Variants in GET1 observed in about 807,000 individuals in gnomAD.
GET1 encodes guided entry of tail-anchored proteins factor 1.
In GET1, 20 loss-of-function variants were observed where a neutral mutation model predicts 22.6. The observed-to-expected ratio is 0.89, with a 90% confidence interval of 0.62 to 1.29. GET1 has a LOEUF of 1.29. GET1 is among the 50% of genes most tolerant of loss of function. GET1 has a pLI of 0.00. For missense variants in GET1, 209 were observed against 219.9 expected, an observed-to-expected ratio of 0.95 and a Z score of 0.31; for synonymous variants, 92 against 83.8, an observed-to-expected ratio of 1.10 and a Z score of -0.53.
rs144874024 is a variant in GET1 at position 39,414,320 on chromosome 21, G to A, written c.*23+3383G>A. 3 of 152,266 alleles carry A rather than the reference G, an allele frequency of 2.0e-5. No individual in the cohort carries two copies. The East Asian group carries it at 5.8e-4, about 29-fold the overall frequency. 9.4% of individuals were successfully genotyped at this position (152,266 alleles called of 1,614,324 possible). On this transcript the variant is annotated intron_variant, in intron 1 of 1. Coordinates refer to the GET1 transcript ENST00000478273. Reference sequence around the variant, plus strand: ...GTGACCGTAGCCTGGGTGTAAGACGGGTGGCAGTACCTCACGTGGGAGCTG... The same window carrying A: ...GTGACCGTAGCCTGGGTGTAAGACGAGTGGCAGTACCTCACGTGGGAGCTG...
intron 1 of GET1, among the ~76,000 whole-genome samples, chr21:39,415,935 G>A (rs528894037): frequency 3.3e-5 from 5 of 152,214 alleles, no homozygotes; most frequent in South Asian, 2.1e-4. Context: ...GGTTCGGTTC[G>A]TTGGCATGAG....
chr21:39,383,646 T>C (rs996925519), intron 1 of GET1, among the ~76,000 whole-genome samples: 7 of 147,926 alleles, frequency 4.7e-5, no homozygotes, highest in African/African-American at 1.8e-4. Flanking sequence ...TGGCTCAATC[T>C]TGGCTCACTG....
At chr21:39,408,969 A>T (rs2039589976), downstream of GET1, among the ~76,000 whole-genome samples, 1 of 152,240 alleles carries the variant, frequency 6.6e-6, no homozygotes, top group South Asian at 2.1e-4. Flanking sequence ...ATATTATTTA[A>T]GGATACTATT....
intron 4 of GET1, among the ~76,000 whole-genome samples, chr21:39,403,358 G>T (rs970314225): frequency 6.6e-6 from 1 of 151,974 alleles, no homozygotes; most frequent in African/African-American, 2.4e-5. Context: ...ACGGAGTCTC[G>T]CTCTGTTGCC....
chr21:39,420,765 C>A (rs201082349), intron 1 of GET1: 2 of 1,613,620 alleles, frequency 1.2e-6, no homozygotes, highest in South Asian at 2.2e-5. Flanking sequence ...GCTGTCTGAG[C>A]TGCTAAAGTC....
chr21:39,421,952 T>G (rs976840445), intron 1 of GET1: 9 of 152,236 alleles, frequency 5.9e-5, no homozygotes, highest in Admixed American at 5.2e-4. Flanking sequence ...GATACATACA[T>G]GAAAACAGAT....
At chr21:39,387,093 C>G (rs1172615917) in intron 1 of GET1, among the ~76,000 whole-genome samples, 1 of 152,206 alleles carries the variant, frequency 6.6e-6, no homozygotes, top group Admixed American at 6.5e-5. Flanking sequence ...CTCCTGGGCT[C>G]AAACGATCTT....
downstream of GET1, among the ~76,000 whole-genome samples, chr21:39,409,686 G>A (rs371074829): frequency 5.6e-4 from 86 of 152,238 alleles, no homozygotes; most frequent in African/African-American, 2.0e-3. This position sits in a 1 kb window ranked among gnomAD's most constrained non-coding sequence, Gnocchi z 4.2. Context: ...TCTGCCTCCT[G>A]GGTCCAAGCG....
intron 1 of GET1, among the ~76,000 whole-genome samples, chr21:39,414,778 G>GTGTGTGTGTC (rs1304972876): frequency 6.7e-6 from 1 of 149,822 alleles, no homozygotes; most frequent in African/African-American, 2.5e-5. Flanking sequence ...GTGTGTGTGT[G>GTGTGTGTGTC]TCTGTGCATA....
chr21:39,428,190 T>G (rs747008978), intron 1 of GET1: 3 of 1,581,422 alleles, frequency 1.9e-6, no homozygotes, highest in Non-Finnish European at 2.6e-6. Flanking sequence ...TGGGAGATTT[T>G]AGAAACATTA....
At chr21:39,393,138 G>T in intron 3 of GET1, 28 bp from the exon 4 acceptor site, 1 of 1,594,636 alleles carries the variant, frequency 6.3e-7, no homozygotes, top group Non-Finnish European at 8.6e-7. Flanking sequence ...TTGGCAGGCT[G>T]CTTTGCTCAC....
At chr21:39,402,766 C>T (rs1319633060), downstream of GET1, among the ~76,000 whole-genome samples, 3 of 152,046 alleles carry the variant, frequency 2.0e-5, no homozygotes, top group Non-Finnish European at 4.4e-5. Context: ...TTTCCATGAT[C>T]GTAAAGTTAT....
At chr21:39,419,156 C>T (rs1356488782) in intron 1 of GET1, among the ~76,000 whole-genome samples, 2 of 152,086 alleles carry the variant, frequency 1.3e-5, no homozygotes, top group Non-Finnish European at 2.9e-5. Flanking sequence ...ACTCCTCACC[C>T]CCCACTATTC....
rs768902734 is a variant in GET1, at chr21:39,406,492, A to G, written c.*508A>G. The G allele has an allele frequency of 3.1e-6, 5 of 1,613,802 alleles. No individual in the cohort carries two copies. In the South Asian group the frequency reaches 4.4e-5, roughly 14 times the overall value. Reference sequence around the variant, plus strand: ...AATAACTTCAATTATTTTTGGTGGTAGTTCTTGCTCTTCTTTCACAAAAAT... The same window carrying G: ...AATAACTTCAATTATTTTTGGTGGTGGTTCTTGCTCTTCTTTCACAAAAAT... On this transcript the variant is annotated 3_prime_UTR_variant, in exon 5 of 5. Coordinates refer to the GET1 transcript ENST00000415847.
At chr21:39,390,885 G>A (rs1466933434) in intron 2 of GET1, 22 bp downstream of exon 2, 11 of 1,613,126 alleles carry the variant, frequency 6.8e-6, no homozygotes, top group Non-Finnish European at 9.3e-6. Flanking sequence ...CTTGCAGCCT[G>A]GAGGCTTCAT....
downstream of GET1, among the ~76,000 whole-genome samples, chr21:39,399,525 ACC>A (rs779970914): frequency 4.6e-5 from 7 of 151,928 alleles, no homozygotes; most frequent in Non-Finnish European, 8.8e-5. Context: ...GCTCACTGCA[ACC>A]TCTGCCTCCT....
intron 4 of GET1, among the ~76,000 whole-genome samples, chr21:39,403,678 G>C (rs983629178): frequency 3.3e-5 from 5 of 151,622 alleles, no homozygotes; most frequent in Admixed American, 6.6e-5. Context: ...CTAGAGTGCA[G>C]TGGCGGGATC....
chr21:39,399,035 C>T (rs202165286), downstream of GET1, among the ~76,000 whole-genome samples: 16 of 152,372 alleles, frequency 1.1e-4, no homozygotes, highest in South Asian at 4.1e-4. Flanking sequence ...CCACCGCGCC[C>T]GGCCTGCCAT....
chr21:39,428,426 T>C (rs902353988), exon 2 of GET1: 4 of 1,612,420 alleles, frequency 2.5e-6, no homozygotes, highest in Admixed American at 1.7e-5. Flanking sequence ...AGACCTCCTA[T>C]TGTTTTCTAA....
Sources: gnomAD v4.1 joint callset for allele counts (sites outside exome capture counted in the v4.1 genomes callset) on GRCh38, gnomAD v4.1.1 for gene constraint, Gnocchi (gnomAD v3.1) non-coding constraint, MANE v1.5 for transcripts, NCBI Gene and HGNC (gene_info 2026-07-23, HGNC 2026-07-21) for gene names.